The following SLC25A24 variants were observed in gnomAD, a reference collection of about 807,000 sequenced individuals.
SLC25A24 encodes solute carrier family 25 member 24, also known as mitochondrial adenyl nucleotide antiporter SLC25A24.
SLC25A24 carries 49 observed loss-of-function variants against 60.7 expected under a neutral mutation model. That is an observed-to-expected ratio of 0.81 (90% CI 0.64 to 1.02). SLC25A24 has a LOEUF of 1.02. Ranked by LOEUF, SLC25A24 falls within the 50% of genes least tolerant of loss-of-function variation. The pLI, the probability that SLC25A24 is intolerant of heterozygous loss-of-function variation, is 0.00. For missense variants in SLC25A24, 564 were observed against 586.3 expected, an observed-to-expected ratio of 0.96 and a Z score of 0.39; for synonymous variants, 202 against 200.6, an observed-to-expected ratio of 1.01 and a Z score of -0.06.
At chr1:108,152,417 A>G (rs1253555764) in intron 6 of SLC25A24, among the ~76,000 whole-genome samples, 2 of 151,914 alleles carry the variant, frequency 1.3e-5, no homozygotes, top group Non-Finnish European at 2.9e-5. Flanking sequence ...CCCAGGCTAG[A>G]TTGCAATGGT....
chr1:108,164,320 G>A (rs1162415684), intron 3 of SLC25A24, among the ~76,000 whole-genome samples: 1 of 151,472 alleles, frequency 6.6e-6, no homozygotes, highest in Non-Finnish European at 1.5e-5. Context: ...ATGAGTTAGG[G>A]AGGATTCCCT....
chr1:108,143,458 G>T, intron 8 of SLC25A24, 85 bp downstream of exon 8: 1 of 1,132,374 alleles, frequency 8.8e-7, no homozygotes, highest in Non-Finnish European at 1.3e-6. Context: ...ACTGTTTTCT[G>T]GTATATATCT....
chr1:108,138,861 T>C (rs887445905), intron 9 of SLC25A24, among the ~76,000 whole-genome samples, 197 bp downstream of exon 9: 1 of 152,200 alleles, frequency 6.6e-6, no homozygotes, highest in Non-Finnish European at 1.5e-5. Context: ...AATGCTTCTG[T>C]CGCATTAAAA....
chr1:108,170,796 A>G (rs1233263528), intron 3 of SLC25A24, among the ~76,000 whole-genome samples: 2 of 152,006 alleles, frequency 1.3e-5, no homozygotes, highest in Admixed American at 1.3e-4. Context: ...TCATCTGACA[A>G]TCTCTGCCTT....
At chr1:108,154,751 G>GA (rs879320313) in intron 6 of SLC25A24, among the ~76,000 whole-genome samples, 12 of 148,330 alleles carry the variant, frequency 8.1e-5, no homozygotes, top group African/African-American at 1.2e-4. Context: ...GAACTACTTA[G>GA]AAAAAAAAAA....
rs521545 is a variant in SLC25A24, at chr1:108,192,371, G to C, written c.184-6417C>G. On this transcript the variant is annotated intron_variant, in intron 1 of 9. Coordinates refer to ENST00000565488, the MANE Select transcript of SLC25A24 (RefSeq NM_013386.5). ...TTAATAAACGGTAACGCTGGTCAAC[G>C]ACCTGAACACTGCAGTGGGCCCAGG... 190,486 of 639,756 alleles carry C rather than the reference G, an allele frequency of 0.3. 50,207 individuals are homozygous for C. Among genetic ancestry groups the C allele is most frequent in the African/African-American group, 0.49 (27,630 of 55,842 alleles). The allele number at this position is 639,756 out of a possible 1,614,324, so 39.6% of individuals were successfully genotyped here.
At chr1:108,187,927 G>GATAGATAGAGATATAT in intron 1 of SLC25A24, among the ~76,000 whole-genome samples, 1 of 95,774 alleles carries the variant, frequency 1.0e-5, no homozygotes, top group East Asian at 3.7e-4. Flanking sequence ...AGACATTATA[G>GATAGATAGAGATATAT]ATATATATAT....
intron 3 of SLC25A24, among the ~76,000 whole-genome samples, chr1:108,174,187 T>C (rs547493040): frequency 2.0e-5 from 3 of 152,356 alleles, no homozygotes; most frequent in Admixed American, 6.5e-5. Flanking sequence ...CCTCCCATCA[T>C]AGGCCCAGAG....
chr1:108,158,972 T>C (rs1256786872), intron 4 of SLC25A24, among the ~76,000 whole-genome samples: 3 of 152,002 alleles, frequency 2.0e-5, no homozygotes, highest in Non-Finnish European at 2.9e-5. Context: ...CACTGCACTC[T>C]AGCCTGGGCA....
At position 108,200,240 on chromosome 1, in the gene SLC25A24, G is replaced by A; in HGVS notation, c.-102C>T. ...CGAGGCCGGGCTGGGCGGGGCGCGC[G>A]GCGCAACAGCGTTTGGGGCGCCGTC... On this transcript the variant is annotated 5_prime_UTR_variant, in exon 1 of 10. Transcript: ENST00000565488. The A allele has an allele frequency of 1.7e-6, 2 of 1,185,530 alleles. No individual in the cohort carries two copies. The highest frequency in any genetic ancestry group is 2.2e-6 in the Non-Finnish European group (2 of 911,218). The allele number at this position is 1,185,530 out of a possible 1,614,324, so 73.4% of individuals were successfully genotyped here.
intron 4 of SLC25A24, among the ~76,000 whole-genome samples, chr1:108,160,237 C>A (rs569834404): frequency 6.6e-6 from 1 of 151,038 alleles, no homozygotes; most frequent in African/African-American, 2.4e-5. Flanking sequence ...ACATCCCAGA[C>A]GGGGCGGCGG....
intron 3 of SLC25A24, among the ~76,000 whole-genome samples, chr1:108,180,420 T>C (rs1462778439): frequency 6.6e-6 from 1 of 152,098 alleles, no homozygotes; most frequent in Non-Finnish European, 1.5e-5. Context: ...GTAGCTACTT[T>C]TAAATATCCA....
chr1:108,148,894 T>C (rs1679680607), intron 6 of SLC25A24, among the ~76,000 whole-genome samples: 1 of 152,190 alleles, frequency 6.6e-6, no homozygotes, highest in Admixed American at 6.5e-5. Context: ...TAATAATACA[T>C]AGCAGAAGAG....
rs780805184 is a variant in SLC25A24 at position 108,181,971 on chromosome 1, G to A, written c.368C>T (p.Ser123Phe). The change falls in exon 3 of 10, where the codon TCT (serine) becomes TTT (phenylalanine). Residue 123 changes from serine to phenylalanine, a missense_variant. By Grantham distance (155) the Ser-to-Phe change is radical (BLOSUM62 -2). Transcript: ENST00000565488. ...AAGAATCAACTCTGCTTGTTGTTCA[G>A]AAATAGTCAGACCCAGTGTCTGGAG... is the stretch of plus-strand genomic sequence containing the variant. ...QSLQTLGLTI[S>F]EQQAELILQS... The A allele has an allele frequency of 1.9e-6, 3 of 1,612,720 alleles. No homozygotes were observed. In the Admixed American group the frequency reaches 5.0e-5, roughly 27 times the overall value.
At position 108,143,544 on chromosome 1, in the gene SLC25A24, T is replaced by C; in HGVS notation, c.1097A>G (p.Glu366Gly). Residue 366 changes from glutamate (E) to glycine (G), a missense_variant and splice_region_variant, in exon 8 of 10, where the codon GAG (glutamate) becomes GGG (glycine). By Grantham distance (98) the Glu-to-Gly change is moderately conservative. Coordinates refer to ENST00000565488, the MANE Select transcript of SLC25A24 (RefSeq NM_013386.5). ...TTCAAAAGATTTCTACAAACTCACC[T>C]CATACACAGCAAGATCTATGCCTGC... The part of the protein sequence containing the change: ...PYAGIDLAVY[E>G]LLKSYWLDNF... 6.2e-7 allele frequency: 1 copy of C among 1,608,574 alleles called. No homozygotes were observed. Among genetic ancestry groups the C allele is most frequent in the Non-Finnish European group, 8.5e-7 (1 of 1,178,308 alleles).
chr1:108,195,750 G>A (rs1648475371), intron 1 of SLC25A24, among the ~76,000 whole-genome samples: 1 of 152,112 alleles, frequency 6.6e-6, no homozygotes, highest in Non-Finnish European at 1.5e-5. Flanking sequence ...TGTAATCTTA[G>A]CACTTTCAGA....
chr1:108,181,983 C>T lies in SLC25A24; in HGVS notation c.356G>A (p.Gly119Asp), dbSNP rs1158133579. The change falls in exon 3 of 10, where the codon GGT becomes GAT. Residue 119 changes from glycine (G) to aspartate (D), a missense_variant. By Grantham distance (94) the Gly-to-Asp change is moderately conservative. Coordinates refer to ENST00000565488, the MANE Select transcript of SLC25A24 (RefSeq NM_013386.5). ...SEIVQSLQTL[G>D]LTISEQQAEL... Reference sequence around the variant, plus strand: ...TGCTTGTTGTTCAGAAATAGTCAGACCCAGTGTCTGGAGAGACTGGACAAT... The same window carrying T: ...TGCTTGTTGTTCAGAAATAGTCAGATCCAGTGTCTGGAGAGACTGGACAAT... 19 of 1,613,012 alleles carry T rather than the reference C, an allele frequency of 1.2e-5. No homozygotes were observed. The highest frequency in any genetic ancestry group is 1.6e-5 in the Non-Finnish European group (19 of 1,179,406).
chr1:108,156,960 A>G (rs1028590848), intron 5 of SLC25A24, among the ~76,000 whole-genome samples: 4 of 152,204 alleles, frequency 2.6e-5, no homozygotes, highest in African/African-American at 7.2e-5. Flanking sequence ...GAGCAAATAC[A>G]TATTAATTCT....
At chr1:108,179,470 C>T (rs1647834585) in intron 3 of SLC25A24, among the ~76,000 whole-genome samples, 4 of 152,056 alleles carry the variant, frequency 2.6e-5, no homozygotes, top group Admixed American at 2.0e-4. Context: ...TTCCCATGTT[C>T]ATTATAGCAC....
Sources: gnomAD v4.1 joint callset for allele counts (sites outside exome capture counted in the v4.1 genomes callset) on GRCh38, gnomAD v4.1.1 for gene constraint, MANE v1.5 for transcripts, NCBI Gene and HGNC (gene_info 2026-07-23, HGNC 2026-07-21) for gene names.